Variants in PDE1C observed in about 807,000 individuals in gnomAD.
PDE1C encodes dual specificity calcium/calmodulin-dependent 3',5'-cyclic nucleotide phosphodiesterase 1C.
In PDE1C, 62 loss-of-function variants were observed where a neutral mutation model predicts 93.1. The observed-to-expected ratio is 0.67, with a 90% CI of 0.54 to 0.82. The LOEUF (loss-of-function observed/expected upper bound fraction) is 0.82. PDE1C is among the 40% of genes least tolerant of loss of function. The pLI is 0.00. For missense variants in PDE1C, 742 were observed against 884.6 expected (o/e 0.84, Z 2.04); for synonymous variants, 325 against 310.1 (o/e 1.05, Z -0.50).
rs182138881 is a variant in PDE1C at position 32,287,526 on chromosome 7, T to G, written c.85+11125A>C. On this transcript the variant is annotated intron_variant, in intron 1 of 18. Transcript: ENST00000396193. ...AATGTCTGTGGGCCCCACTAGGCTG[T>G]CATCACCATGTCATCAGGGCTGGCT... Among the ~76,000 whole-genome samples, 9 of 152,380 alleles carry G rather than the reference T, an allele frequency of 5.9e-5. No homozygotes were observed. In the East Asian group the frequency reaches 1.7e-3, roughly 29 times the overall value.
At chr7:32,402,584 C>G (rs145449618) in intron 1 of PDE1C, among the ~76,000 whole-genome samples, 1 of 152,148 alleles carries the variant, frequency 6.6e-6, no homozygotes, top group African/African-American at 2.4e-5. Flanking sequence ...TTTACTCAGT[C>G]TACTGATTCA....
rs12113609 is a variant in PDE1C at position 31,839,950 on chromosome 7, T to C, written c.981-1979A>G. ...TACTTAGGAGGCTGAGACAGGAGAA[T>C]TGCTTGAACCTAGGAGGTGGAAGTT... On this transcript the variant is annotated intron_variant, in intron 9 of 17. Transcript: ENST00000396191. 8.5e-3 allele frequency among the ~76,000 whole-genome samples: 1,287 copies of C among 152,258 alleles called. 19 individuals are homozygous for C. Among genetic ancestry groups the C allele is most frequent in the African/African-American group, 0.029 (1,222 of 41,554 alleles).
intron 1 of PDE1C, among the ~76,000 whole-genome samples, chr7:32,237,767 T>TATATATATATATATAG: frequency 2.5e-5 from 1 of 40,514 alleles, no homozygotes. Flanking sequence ...TATATACTTT[T>TATATATATATATATAG]TTTTTTTTTT....
At chr7:32,369,436 T>A (rs1418824520) in intron 1 of PDE1C, among the ~76,000 whole-genome samples, 10 of 152,158 alleles carry the variant, frequency 6.6e-5, no homozygotes, top group Admixed American at 5.9e-4. Flanking sequence ...CACAGTGAGT[T>A]ATAATCTCAT....
chr7:32,227,216 GA>G (rs1001241920), intron 1 of PDE1C, among the ~76,000 whole-genome samples: 5 of 152,048 alleles, frequency 3.3e-5, no homozygotes, highest in Non-Finnish European at 7.4e-5. Flanking sequence ...TATGGGTAGA[GA>G]AAAAAAGCTG....
chr7:32,410,257 C>G (rs1785139100), intron 1 of PDE1C, among the ~76,000 whole-genome samples: 1 of 151,972 alleles, frequency 6.6e-6, no homozygotes, highest in Non-Finnish European at 1.5e-5. Context: ...CGCTTGAGCC[C>G]AGGAGGCAGA....
At chr7:31,661,817 A>T in the PDE1C span, among the ~76,000 whole-genome samples, 4 of 152,116 alleles carry the variant, frequency 2.6e-5, no homozygotes. Context: ...TCATTACTTC[A>T]TTAATTTATT....
chr7:31,690,378 A>G, the PDE1C span, among the ~76,000 whole-genome samples: 5 of 152,212 alleles, frequency 3.3e-5, no homozygotes, highest in African/African-American at 1.2e-4. Flanking sequence ...CAGATGAGGA[A>G]ACTCAGGGTA....
At chr7:31,738,336 TGGC>T in the PDE1C span, among the ~76,000 whole-genome samples, 1 of 152,056 alleles carries the variant, frequency 6.6e-6, no homozygotes, top group South Asian at 2.1e-4. Flanking sequence ...CTCACAATCA[TGGC>T]GGTAGGTGAA....
chr7:31,642,154 C>T, the PDE1C span: 4 of 1,540,916 alleles, frequency 2.6e-6, no homozygotes. Flanking sequence ...TTAATAACCT[C>T]AAGACCTCTT....
At chr7:31,937,404 T>G (rs2128992653) in intron 2 of PDE1C, among the ~76,000 whole-genome samples, 1 of 152,292 alleles carries the variant, frequency 6.6e-6, no homozygotes, top group Non-Finnish European at 1.5e-5. Flanking sequence ...CTACAAAAAG[T>G]CTGTTTTGTC....
At chr7:32,123,295 T>A (rs929235276) in intron 3 of PDE1C, among the ~76,000 whole-genome samples, 2 of 152,124 alleles carry the variant, frequency 1.3e-5, no homozygotes, top group Non-Finnish European at 2.9e-5. Context: ...AAAAAGGAGC[T>A]GGTACAATTC....
rs1810395045 is a variant in PDE1C at position 31,968,528 on chromosome 7, T to C, written c.128+83026A>G. The stretch of plus-strand genomic sequence containing the variant: ...AGAATCAGTATCATGAAAATGGCCA[T>C]ACTGCCCAAGGTAATTTATAGATTC... On this transcript the variant is annotated intron_variant, in intron 2 of 17. Transcript: ENST00000396191. Among the ~76,000 whole-genome samples, 3 of 152,044 alleles carry C rather than the reference T, an allele frequency of 2.0e-5. 1 individual carries two copies. The highest frequency in any genetic ancestry group is 4.8e-5 in the African/African-American group (2 of 41,392).
chr7:32,090,137 T>C (rs755733097), intron 3 of PDE1C, among the ~76,000 whole-genome samples: 7 of 152,128 alleles, frequency 4.6e-5, no homozygotes, highest in South Asian at 2.1e-4. Context: ...CTGAAAATAA[T>C]GCATGGAGCT....
chr7:31,643,151 A>C, the PDE1C span: 1 of 1,614,006 alleles, frequency 6.2e-7, no homozygotes, highest in Non-Finnish European at 8.5e-7. Context: ...AGCCACCACA[A>C]TGAGTCTCAA....
the PDE1C span, among the ~76,000 whole-genome samples, chr7:31,645,140 T>C: frequency 6.6e-6 from 1 of 152,194 alleles, no homozygotes; most frequent in African/African-American, 2.4e-5. Flanking sequence ...TCAGATTCAA[T>C]TTGGGTAACA....
intron 11 of PDE1C, among the ~76,000 whole-genome samples, chr7:31,835,180 T>C (rs866430036): frequency 6.6e-6 from 1 of 152,286 alleles, no homozygotes; most frequent in Middle Eastern, 3.4e-3. Context: ...CCTTTATAAA[T>C]TACCCAGTCT....
chr7:31,657,655 A>G, the PDE1C span, among the ~76,000 whole-genome samples: 1 of 152,256 alleles, frequency 6.6e-6, no homozygotes, highest in South Asian at 2.1e-4. Context: ...CTATTCCATT[A>G]TCAAGTCCCA....
At chr7:32,240,383 G>A (rs547731284) in intron 1 of PDE1C, among the ~76,000 whole-genome samples, 32 of 152,178 alleles carry the variant, frequency 2.1e-4, no homozygotes, top group Non-Finnish European at 3.8e-4. Context: ...GAACAAAATG[G>A]TAAGTCCCAG....
Sources: gnomAD v4.1 joint callset for allele counts (sites outside exome capture counted in the v4.1 genomes callset) on GRCh38, gnomAD v4.1.1 for gene constraint, MANE v1.5 for transcripts, NCBI Gene and HGNC (gene_info 2026-07-23, HGNC 2026-07-21) for gene names.